Variants in GRAMD4 observed in about 807,000 individuals in gnomAD.
The protein encoded by GRAMD4 is GRAM domain-containing protein 4.
GRAMD4 carries 25 observed loss-of-function variants against 83.9 expected under a neutral mutation model. The observed-to-expected ratio is 0.30, with a 90% CI of 0.22 to 0.42. The LOEUF is 0.42. GRAMD4 is among the 10% of genes least tolerant of loss of function. The pLI is 1.00. For synonymous variants in GRAMD4, 336 were observed against 320.9 expected (o/e 1.05, Z -0.50); for missense variants, 593 against 788.7 (o/e 0.75, Z 2.97).
At chr22:46,588,690 C>T (rs2081175920) in intron 1 of GRAMD4, among the ~76,000 whole-genome samples, 1 of 151,738 alleles carries the variant, frequency 6.6e-6, no homozygotes, top group Non-Finnish European at 1.5e-5. Context: ...CGTCCTCCTT[C>T]CCCGGCCTGA....
chr22:46,632,850 G>A (rs573281763), intron 2 of GRAMD4, among the ~76,000 whole-genome samples: 33 of 152,318 alleles, frequency 2.2e-4, no homozygotes, highest in African/African-American at 7.5e-4. Context: ...CCCGCACGAC[G>A]CTGCCTGTGC....
chr22:46,670,909 G>T, intron 13 of GRAMD4: 1 of 230,428 alleles, frequency 4.3e-6, no homozygotes, highest in Non-Finnish European at 9.8e-6. Context: ...GGCCCCTGCT[G>T]TCCTTTTTTG....
intron 1 of GRAMD4, among the ~76,000 whole-genome samples, chr22:46,593,248 C>T (rs1453461845): frequency 5.3e-5 from 8 of 152,096 alleles, no homozygotes; most frequent in East Asian, 1.9e-4. Flanking sequence ...TGAACCATCA[C>T]GGGATTCTCC....
At chr22:46,627,294 C>T (rs571659834) in intron 2 of GRAMD4, among the ~76,000 whole-genome samples, 171 of 152,330 alleles carry the variant, frequency 1.1e-3, no homozygotes, top group South Asian at 3.5e-3. Flanking sequence ...TGGAGCAGGG[C>T]GGGCGTTGTC....
chr22:46,672,785 A>C lies in GRAMD4; in HGVS notation c.1085-58A>C. ...GGGAGGTGCCGGAACCATCACCCTG[A>C]GTAGACTGGCATAGCTGCAGAGCTC... On this transcript the variant is annotated intron_variant, in intron 13 of 18. Transcript: ENST00000406902. The surrounding 1 kb of genome is among the most constrained non-coding windows in gnomAD (Gnocchi z 4.7). 3.5e-6 allele frequency: 5 copies of C among 1,410,958 alleles called. No homozygotes were observed. Among genetic ancestry groups the C allele is most frequent in the Non-Finnish European group, 4.9e-6 (5 of 1,010,920 alleles). 87.4% of individuals were successfully genotyped at this position (1,410,958 alleles called of 1,614,324 possible).
intron 3 of GRAMD4, among the ~76,000 whole-genome samples, chr22:46,639,562 C>G (rs111850936): frequency 1.9e-4 from 28 of 149,812 alleles, no homozygotes; most frequent in Admixed American, 1.1e-3. Context: ...GTAGTTAACT[C>G]TGTGTGTGTG....
intron 3 of GRAMD4, among the ~76,000 whole-genome samples, chr22:46,649,052 C>T (rs914512887): frequency 3.5e-4 from 53 of 152,178 alleles, no homozygotes; most frequent in Non-Finnish European, 1.5e-5. Context: ...TACTTTAAGG[C>T]CTTACTGGCC....
chr22:46,615,667 C>CGT (rs756351990), upstream of GRAMD4, among the ~76,000 whole-genome samples: 2 of 6,426 alleles, frequency 3.1e-4, no homozygotes, highest in African/African-American at 6.3e-4. Flanking sequence ...TTCCCCCGTG[C>CGT]GTAGGTTCCC....
rs545928101 is a variant in GRAMD4 at position 46,614,243 on chromosome 22, C to T, written c.-49-12508C>T. On this transcript the variant is annotated intron_variant, in intron 1 of 1. Transcript: ENST00000431155. ...GGCAGAAACGCTGTGCAATGATGGC[C>T]GCTGGCATGGCGGGAGTGTGTGCAC... is the stretch of plus-strand genomic sequence containing the variant. 5.3e-3 allele frequency among the ~76,000 whole-genome samples: 813 copies of T among 152,318 alleles called. 4 individuals carry two copies. The highest frequency in any genetic ancestry group is 0.01 in the Middle Eastern group (3 of 294).
chr22:46,682,327 C>T (rs2082674850), downstream of GRAMD4: 6 of 618,768 alleles, frequency 9.7e-6, no homozygotes, highest in Non-Finnish European at 1.2e-5. Flanking sequence ...GGGGAAATAG[C>T]TGGACCATGC....
At chr22:46,614,256 G>A (rs992462304) in intron 1 of GRAMD4, among the ~76,000 whole-genome samples, 4 of 152,174 alleles carry the variant, frequency 2.6e-5, no homozygotes, top group Admixed American at 2.0e-4. Flanking sequence ...TGGCATGGCG[G>A]GAGTGTGTGC....
chr22:46,680,593 T>C (rs6008950), downstream of GRAMD4, among the ~76,000 whole-genome samples: 5,943 of 12,370 alleles, frequency 0.48, 1,245 homozygotes, highest in South Asian at 0.56. Context: ...CATCCATCCA[T>C]CCACCCACCC....
At chr22:46,576,420 G>T (rs1285844626), upstream of GRAMD4, among the ~76,000 whole-genome samples, 1 of 152,206 alleles carries the variant, frequency 6.6e-6, no homozygotes, top group Non-Finnish European at 1.5e-5. Context: ...GGATAGGTGG[G>T]CTTAGAGTGG....
intron 1 of GRAMD4, among the ~76,000 whole-genome samples, chr22:46,598,053 C>G (rs924130853): frequency 6.6e-6 from 1 of 152,176 alleles, no homozygotes; most frequent in African/African-American, 2.4e-5. Flanking sequence ...ACAATCCCAG[C>G]TCACTGCAAC....
chr22:46,610,423 T>A (rs1325984509), intron 1 of GRAMD4, among the ~76,000 whole-genome samples: 1 of 152,178 alleles, frequency 6.6e-6, no homozygotes, highest in Admixed American at 6.5e-5. Context: ...GTTTTGTAAA[T>A]GGTGTCTGAT....
downstream of GRAMD4, among the ~76,000 whole-genome samples, chr22:46,680,713 TCCAC>T (rs1272066202): frequency 1.5e-4 from 18 of 117,400 alleles, no homozygotes; most frequent in African/African-American, 4.2e-4. Context: ...CATCCATCCA[TCCAC>T]CCACCCACCC....
intron 5 of GRAMD4, among the ~76,000 whole-genome samples, chr22:46,661,963 G>A (rs1011224822): frequency 1.3e-5 from 2 of 152,206 alleles, no homozygotes; most frequent in African/African-American, 2.4e-5. Context: ...ATAGTTCCCT[G>A]TACCTGGGGG....
At chr22:46,624,293 A>G (rs1198438894) in intron 1 of GRAMD4, among the ~76,000 whole-genome samples, 1 of 106,630 alleles carries the variant, frequency 9.4e-6, no homozygotes, top group South Asian at 3.1e-4. Context: ...TCTTCTCTCT[A>G]GGGATTTCAT....
intron 1 of GRAMD4, among the ~76,000 whole-genome samples, chr22:46,606,893 A>C (rs138543): frequency 0.76 from 115,662 of 152,020 alleles, 45,703 homozygotes; most frequent in East Asian, 1. Context: ...CAGAAATGGG[A>C]TTGCTGGGTC....
Sources: allele counts gnomAD v4.1 joint callset (sites outside exome capture counted in the v4.1 genomes callset), GRCh38; gene constraint gnomAD v4.1.1; non-coding constraint Gnocchi (gnomAD v3.1); transcripts MANE v1.5; gene names NCBI Gene and HGNC (gene_info 2026-07-23, HGNC 2026-07-21).